Variants in CDK17 observed in about 807,000 individuals in gnomAD.
CDK17 encodes cyclin-dependent kinase 17.
In CDK17, 24 loss-of-function variants were observed where a neutral mutation model predicts 77.6. The observed-to-expected ratio is 0.31, with a 90% CI of 0.22 to 0.44. The LOEUF is 0.44. Among genes scored for constraint, CDK17 ranks in the 20% least tolerant of loss-of-function variants. The pLI, the probability that CDK17 is intolerant of heterozygous loss-of-function variation, is 1.00. For missense variants in CDK17, 429 were observed against 622.5 expected, an observed-to-expected ratio of 0.69 and a Z score of 3.31; for synonymous variants, 203 against 210.4, an observed-to-expected ratio of 0.96 and a Z score of 0.30.
intron 1 of CDK17, among the ~76,000 whole-genome samples, chr12:96,355,091 T>C (rs2137178319): frequency 6.6e-6 from 1 of 152,314 alleles, no homozygotes; most frequent in East Asian, 1.9e-4. Context: ...AAATGGTTTA[T>C]GAGGTCCTGA....
At chr12:96,398,438 T>G (rs1592781033) in intron 1 of CDK17, among the ~76,000 whole-genome samples, 1 of 152,190 alleles carries the variant, frequency 6.6e-6, no homozygotes, top group East Asian at 1.9e-4. Flanking sequence ...CTAGCAAATT[T>G]TTTCCCCTTA....
intron 1 of CDK17, among the ~76,000 whole-genome samples, chr12:96,348,523 C>CAAAAAAAAAAAAAAAAAAAA (rs35363324): frequency 7.1e-4 from 47 of 66,328 alleles, no homozygotes; most frequent in Non-Finnish European, 7.8e-4. Context: ...GACTCTGTCT[C>CAAAAAAAAAAAAAAAAAAAA]AAAAAAAAAA....
At chr12:96,288,032 A>G (rs1952268738) in intron 11 of CDK17, among the ~76,000 whole-genome samples, 2 of 152,088 alleles carry the variant, frequency 1.3e-5, no homozygotes. Flanking sequence ...GGGGAGGGGA[A>G]TAGGAAGAAA....
At chr12:96,296,690 A>G (rs1485164261) in intron 9 of CDK17, among the ~76,000 whole-genome samples, 1 of 152,228 alleles carries the variant, frequency 6.6e-6, no homozygotes, top group African/African-American at 2.4e-5. Flanking sequence ...GCTGTTACTC[A>G]GTTAATAACT....
intron 1 of CDK17, among the ~76,000 whole-genome samples, chr12:96,344,027 T>C (rs1953161811): frequency 1.3e-5 from 2 of 151,956 alleles, no homozygotes; most frequent in African/African-American, 4.8e-5. Context: ...AAACAAAAAT[T>C]CCAAAGCTAA....
chr12:96,335,652 C>T (rs1244490816), intron 1 of CDK17, among the ~76,000 whole-genome samples: 1 of 152,172 alleles, frequency 6.6e-6, no homozygotes, highest in Non-Finnish European at 1.5e-5. Flanking sequence ...TTTACTTTTT[C>T]CTTCACACTT....
intron 15 of CDK17, 190 bp downstream of exon 15, chr12:96,282,319 C>CA: frequency 3.8e-6 from 2 of 530,082 alleles, no homozygotes; most frequent in Non-Finnish European, 6.7e-6. Flanking sequence ...ACAATGTGCT[C>CA]AGTGTTACAA....
chr12:96,290,381 G>C (rs1952308589), intron 10 of CDK17, among the ~76,000 whole-genome samples: 1 of 152,140 alleles, frequency 6.6e-6, no homozygotes. Flanking sequence ...TTTAGGCTGA[G>C]ATTGCTGTTA....
intron 4 of CDK17, among the ~76,000 whole-genome samples, chr12:96,312,900 C>T (rs534835606): frequency 6.6e-6 from 1 of 152,110 alleles, no homozygotes; most frequent in Non-Finnish European, 1.5e-5. Context: ...TTATTTATAC[C>T]TCTTAAAATT....
intron 1 of CDK17, among the ~76,000 whole-genome samples, chr12:96,341,306 T>C (rs983763254): frequency 1.7e-5 from 2 of 119,226 alleles, no homozygotes; most frequent in Admixed American, 9.5e-5. Context: ...CTCATAGCAC[T>C]TATCATATAC....
At chr12:96,327,802 A>G (rs1272126161) in intron 2 of CDK17, among the ~76,000 whole-genome samples, 1 of 152,108 alleles carries the variant, frequency 6.6e-6, no homozygotes, top group Non-Finnish European at 1.5e-5. Context: ...TCCTCACCTC[A>G]GCCTCCCAAA....
At chr12:96,310,258 G>A (rs1034115759) in intron 5 of CDK17, among the ~76,000 whole-genome samples, 5 of 151,966 alleles carry the variant, frequency 3.3e-5, no homozygotes, top group African/African-American at 1.2e-4. Flanking sequence ...CATACATACT[G>A]GGATACATAT....
intron 6 of CDK17, 123 bp downstream of exon 6, chr12:96,300,181 G>T: frequency 1.4e-6 from 1 of 691,420 alleles, no homozygotes; most frequent in Non-Finnish European, 2.6e-6. Context: ...TCCAGAACAA[G>T]TATATAATCT....
chr12:96,387,246 CA>C, intron 1 of CDK17: 1 of 226,930 alleles, frequency 4.4e-6, no homozygotes, highest in Non-Finnish European at 9.2e-6. Flanking sequence ...ATCCAGCAAC[CA>C]AGGACCGACC....
chr12:96,388,194 C>G (rs1954008344), intron 1 of CDK17, among the ~76,000 whole-genome samples: 1 of 151,934 alleles, frequency 6.6e-6, no homozygotes, highest in African/African-American at 2.4e-5. Context: ...ATTAAGATGT[C>G]AAGTAAATGA....
intron 1 of CDK17, among the ~76,000 whole-genome samples, chr12:96,335,948 G>T (rs1953035232): frequency 6.6e-6 from 1 of 152,026 alleles, no homozygotes; most frequent in Non-Finnish European, 1.5e-5. Context: ...TAAAGTACAG[G>T]GGTTTTACCA....
At chr12:96,353,528 T>C (rs1462275823) in intron 1 of CDK17, among the ~76,000 whole-genome samples, 1 of 148,410 alleles carries the variant, frequency 6.7e-6, no homozygotes, top group East Asian at 2.0e-4. Flanking sequence ...GCCATTATTT[T>C]GAAATAAGGA....
intron 4 of CDK17, 34 bp from the exon 5 acceptor site, chr12:96,311,211 A>C (rs779071827): frequency 4.0e-6 from 6 of 1,500,054 alleles, no homozygotes; most frequent in Admixed American, 2.6e-5. Context: ...CAAAATAGTA[A>C]AGGCAAGGCA....
chr12:96,317,507 A>G (rs2053634847), intron 3 of CDK17, among the ~76,000 whole-genome samples: 1 of 110,254 alleles, frequency 9.1e-6, no homozygotes, highest in African/African-American at 3.4e-5. Context: ...CAGATTCACC[A>G]AAGTTGAAAT....
Sources: gnomAD v4.1 joint callset for allele counts (sites outside exome capture counted in the v4.1 genomes callset) on GRCh38, gnomAD v4.1.1 for gene constraint, MANE v1.5 for transcripts, NCBI Gene and HGNC (gene_info 2026-07-23, HGNC 2026-07-21) for gene names.